The following SMAD6 variants were observed in gnomAD, a reference collection of about 807,000 sequenced individuals.
SMAD6 encodes the protein MAD homolog 6.
Under a neutral mutation model 39.4 loss-of-function variants are expected in SMAD6, and 103 were observed. That is an observed-to-expected ratio of 2.62 (90% CI 2.23 to 3.08). SMAD6 has a LOEUF of 3.08. Ranked by LOEUF, SMAD6 falls within the 30% of genes most tolerant of loss-of-function variation. SMAD6 has a pLI of 0.00. For missense variants in SMAD6, 1,104 were observed against 742.9 expected (o/e 1.49, Z -5.65); for synonymous variants, 445 against 353.3 (o/e 1.26, Z -2.91).
chr15:66,750,109 G>A (rs1462405240), intron 3 of SMAD6, among the ~76,000 whole-genome samples: 1 of 151,990 alleles, frequency 6.6e-6, no homozygotes, highest in Admixed American at 6.6e-5. Context: ...TGTGGGGGAC[G>A]CAGGGGGCCT....
At chr15:66,712,621 G>A (rs1181604059) in intron 2 of SMAD6, among the ~76,000 whole-genome samples, 2 of 150,000 alleles carry the variant, frequency 1.3e-5, no homozygotes, top group African/African-American at 4.9e-5. Context: ...AACCTGGGAG[G>A]TTGCAGTGAG....
intron 2 of SMAD6, among the ~76,000 whole-genome samples, chr15:66,712,575 C>T (rs1893252343): frequency 6.6e-6 from 1 of 151,564 alleles, no homozygotes; most frequent in Admixed American, 6.6e-5. Flanking sequence ...GCTATAATTC[C>T]AGCTACTCAG....
chr15:66,772,809 T>C (rs1252529917), intron 3 of SMAD6, among the ~76,000 whole-genome samples: 1 of 152,218 alleles, frequency 6.6e-6, no homozygotes, highest in Non-Finnish European at 1.5e-5. Flanking sequence ...CCCTAGTCCA[T>C]TCTTTTAACC....
At chr15:66,768,831 G>A (rs187300916) in intron 3 of SMAD6, among the ~76,000 whole-genome samples, 48 of 152,288 alleles carry the variant, frequency 3.2e-4, no homozygotes, top group Non-Finnish European at 5.0e-4. Context: ...CTGCATTGCC[G>A]AGAGCACCTC....
chr15:66,720,825 G>C (rs1438755875), intron 3 of SMAD6, among the ~76,000 whole-genome samples: 1 of 152,180 alleles, frequency 6.6e-6, no homozygotes, highest in East Asian at 1.9e-4. Flanking sequence ...TGTAAGGCAT[G>C]GTCTAAGCTG....
Position 66,704,078 on chromosome 15 carries a change from G to T in SMAD6, c.817+3G>T. Reference sequence around the variant, plus strand: ...CTTCAGCCGGCTCTGCGGGCCCGGTGAGCGCGCTGCGCCGGCCGGGGGGGC... The same window carrying T: ...CTTCAGCCGGCTCTGCGGGCCCGGTTAGCGCGCTGCGCCGGCCGGGGGGGC... On this transcript the variant is annotated splice_donor_region_variant and intron_variant, in intron 1 of 3. Transcript: ENST00000288840. 1 of 1,476,432 alleles carries T rather than the reference G, an allele frequency of 6.8e-7. No homozygotes were observed. Among genetic ancestry groups the T allele is most frequent in the Non-Finnish European group, 8.9e-7 (1 of 1,121,116 alleles). The allele number at this position is 1,476,432 out of a possible 1,614,324, so 91.5% of individuals were successfully genotyped here. A position where few individuals can be genotyped will look rare whatever the true frequency, so the allele number is the denominator to read the frequency against.
chr15:66,705,445 A>G (rs1242653606), intron 1 of SMAD6: 2 of 152,100 alleles, frequency 1.3e-5, no homozygotes, highest in African/African-American at 2.4e-5. Flanking sequence ...CAGGCTTTCT[A>G]TGTACTCTTT....
chr15:66,726,930 T>A (rs903583565), intron 3 of SMAD6, among the ~76,000 whole-genome samples: 3 of 151,754 alleles, frequency 2.0e-5, no homozygotes, highest in Non-Finnish European at 1.5e-5. Flanking sequence ...AGAACCCAAA[T>A]CTAGATGGAC....
intron 1 of SMAD6, among the ~76,000 whole-genome samples, chr15:66,710,086 A>C (rs1446540602): frequency 6.6e-6 from 1 of 152,196 alleles, no homozygotes; most frequent in Non-Finnish European, 1.5e-5. Context: ...GGCAGAGCAG[A>C]GTCAGGCCTG....
intron 1 of SMAD6, chr15:66,706,821 G>A (rs62005624): frequency 0.24 from 36,326 of 152,300 alleles, 4,381 homozygotes; most frequent in Middle Eastern, 0.35. Context: ...GACCCCTGCT[G>A]TTCAGAGCCC....
chr15:66,708,519 A>T (rs1038095553), intron 1 of SMAD6, among the ~76,000 whole-genome samples: 2 of 152,250 alleles, frequency 1.3e-5, no homozygotes, highest in African/African-American at 4.8e-5. Flanking sequence ...GAAGCAACCC[A>T]AATGTCCATT....
Position 66,739,921 on chromosome 15 carries a change from C to T in SMAD6, c.952+23423C>T, listed in dbSNP as rs574189837. Among the ~76,000 whole-genome samples the T allele has an allele frequency of 9.2e-5, 14 of 152,312 alleles. 1 individual carries two copies. The South Asian group carries it at 2.3e-3, about 25-fold the overall frequency. On this transcript the variant is annotated intron_variant, in intron 3 of 3. Transcript: ENST00000288840. ...TTCCGAGTAGCTGGGACCACAGGAACGCACCACTGCACCTGGCTGTTATGT... is the reference window on the plus strand; with the variant it reads ...TTCCGAGTAGCTGGGACCACAGGAATGCACCACTGCACCTGGCTGTTATGT...
chr15:66,753,631 T>C (rs1459031240), intron 3 of SMAD6, among the ~76,000 whole-genome samples: 1 of 152,186 alleles, frequency 6.6e-6, no homozygotes, highest in African/African-American at 2.4e-5. Flanking sequence ...TCCTCTAGCC[T>C]TCTGCCATGG....
In SMAD6 at chr15:66,782,708, AAAG is replaced by A. The variant is rs1159707480; in HGVS notation, c.*1176_*1178del. The A allele has an allele frequency of 3.3e-5, 5 of 152,368 alleles. No homozygotes were observed. In the East Asian group the frequency reaches 9.6e-4, roughly 29 times the overall value. The allele number at this position is 152,368 out of a possible 1,614,324, so 9.4% of individuals were successfully genotyped here. A position where few individuals can be genotyped will look rare whatever the true frequency, so the allele number is the denominator to read the frequency against. On this transcript the variant is annotated 3_prime_UTR_variant, in exon 4 of 4. Transcript: ENST00000288840. The stretch of plus-strand genomic sequence containing the variant: ...AGCTTTCTGAAGAATATTCTCAAAA[AAAG>A]AAAGTCTCCTTGGCCAGATAACTAA...
chr15:66,754,111 A>G (rs1894055636), intron 3 of SMAD6, among the ~76,000 whole-genome samples: 2 of 152,210 alleles, frequency 1.3e-5, no homozygotes, highest in South Asian at 4.1e-4. Context: ...CTTCAAAAAC[A>G]GGGGCATATT....
chr15:66,717,546 G>A (rs187787028), intron 3 of SMAD6: 15 of 432,334 alleles, frequency 3.5e-5, no homozygotes, highest in East Asian at 1.4e-4. Context: ...AAGTCCTGTC[G>A]TTCTTGATGT....
At chr15:66,761,727 G>A (rs1190655804) in intron 3 of SMAD6, among the ~76,000 whole-genome samples, 2 of 152,166 alleles carry the variant, frequency 1.3e-5, no homozygotes, top group African/African-American at 2.4e-5. Flanking sequence ...GAGGAGGTCA[G>A]GCTGAATAAT....
At position 66,703,816 on chromosome 15, in the gene SMAD6, C is replaced by T. The variant is rs757930291; in HGVS notation, c.558C>T (p.Arg186=). The change falls in exon 1 of 4, where the codon CGC becomes CGT. Residue 186 remains arginine (R), a synonymous_variant. Transcript: ENST00000288840. ...TYSLLKRLKE[R]SLDTLLEAVE... ...CGCTGCTGAAGCGGCTCAAGGAGCG[C>T]TCGCTGGACACGCTGCTGGAGGCGG... 36 of 1,426,852 alleles carry T rather than the reference C, an allele frequency of 2.5e-5. No individual in the cohort carries two copies. Among genetic ancestry groups the T allele is most frequent in the Non-Finnish European group, 3.1e-5 (33 of 1,079,242 alleles). The allele number at this position is 1,426,852 out of a possible 1,614,324, so 88.4% of individuals were successfully genotyped here. A position where few individuals can be genotyped will look rare whatever the true frequency, so the allele number is the denominator to read the frequency against.
At chr15:66,733,051 A>G (rs987864153) in intron 3 of SMAD6, among the ~76,000 whole-genome samples, 15 of 151,986 alleles carry the variant, frequency 9.9e-5, no homozygotes, top group African/African-American at 3.6e-4. Flanking sequence ...CTATTATTGT[A>G]TCATTTGTTG....
Sources: gnomAD v4.1 joint callset for allele counts (sites outside exome capture counted in the v4.1 genomes callset) on GRCh38, gnomAD v4.1.1 for gene constraint, MANE v1.5 for transcripts, NCBI Gene and HGNC (gene_info 2026-07-23, HGNC 2026-07-21) for gene names.